Variants in ABCA8 observed in about 807,000 individuals in gnomAD.
ABCA8 encodes the protein ATP binding cassette subfamily A member 8, also known as ABC-type organic anion transporter ABCA8.
In ABCA8, 177 loss-of-function variants were observed where a neutral mutation model predicts 192.3. The observed-to-expected ratio is 0.92, with a 90% CI of 0.81 to 1.04. ABCA8 has a LOEUF of 1.04. Ranked by LOEUF, ABCA8 falls within the 50% of genes least tolerant of loss-of-function variation. The pLI is 0.00. For synonymous variants in ABCA8, 642 were observed against 690.2 expected, an observed-to-expected ratio of 0.93 and a Z score of 1.09; for missense variants, 1,915 against 1,904.8, an observed-to-expected ratio of 1.01 and a Z score of -0.10.
At chr17:68,913,379 A>G (rs1194802335) in intron 17 of ABCA8, among the ~76,000 whole-genome samples, 2 of 152,072 alleles carry the variant, frequency 1.3e-5, no homozygotes. Flanking sequence ...GTCGTAGAAT[A>G]AAAGAAATAA....
chr17:68,887,915 T>TCC (rs1255145883), intron 24 of ABCA8, among the ~76,000 whole-genome samples: 3 of 45,076 alleles, frequency 6.7e-5, no homozygotes, highest in East Asian at 1.7e-3. Flanking sequence ...TATCCATATA[T>TCC]ATATATATAT....
intron 17 of ABCA8, 21 bp downstream of exon 17, chr17:68,917,340 A>G (rs749146949): frequency 3.9e-6 from 6 of 1,519,306 alleles, no homozygotes; most frequent in Non-Finnish European, 5.4e-6. Context: ...ATCTACTCCC[A>G]GCCTTCTTAA....
chr17:68,890,741 A>C (rs1248377596), intron 24 of ABCA8, among the ~76,000 whole-genome samples: 1 of 152,010 alleles, frequency 6.6e-6, no homozygotes, highest in Non-Finnish European at 1.5e-5. Context: ...CTGGTGTCAA[A>C]CTCCTGATCT....
Position 68,881,067 on chromosome 17 carries a change from C to T in ABCA8, c.4038+53G>A, listed in dbSNP as rs995444015. 3 of 1,277,368 alleles carry T rather than the reference C, an allele frequency of 2.3e-6. No homozygotes were observed. The Admixed American group carries it at 5.1e-5, about 22-fold the overall frequency. The allele number at this position is 1,277,368 out of a possible 1,614,324, so 79.1% of individuals were successfully genotyped here. A position where few individuals can be genotyped will look rare whatever the true frequency, so the allele number is the denominator to read the frequency against. ...TCTGTTGTTTTTAAGGTCATCAAAT[C>T]TTATCAATCTATTTCACCATTAGAT... On this transcript the variant is annotated intron_variant, in intron 32 of 39. Transcript: ENST00000586539.
intron 37 of ABCA8, among the ~76,000 whole-genome samples, chr17:68,871,504 CA>C (rs1197811543): frequency 2.0e-5 from 3 of 152,270 alleles, no homozygotes; most frequent in Middle Eastern, 3.4e-3. Flanking sequence ...TGACTAATGA[CA>C]TTTAACAGTT....
At chr17:68,923,090 G>A (rs1443622284) in intron 11 of ABCA8, among the ~76,000 whole-genome samples, 2 of 152,048 alleles carry the variant, frequency 1.3e-5, no homozygotes, top group African/African-American at 4.8e-5. Context: ...TACCAGGTAA[G>A]TATATAATCC....
At chr17:68,868,621 T>C (rs896343892) in intron 38 of ABCA8, among the ~76,000 whole-genome samples, 1 of 152,174 alleles carries the variant, frequency 6.6e-6, no homozygotes, top group African/African-American at 2.4e-5. Flanking sequence ...TAAGCTTTCT[T>C]TCTTGCCTGT....
chr17:68,920,846 C>G (rs1303203611), intron 13 of ABCA8, among the ~76,000 whole-genome samples: 24 of 152,176 alleles, frequency 1.6e-4, no homozygotes, highest in Admixed American at 1.2e-3. Context: ...CATCCCATTA[C>G]TGGGTATATA....
chr17:68,914,746 G>A (rs945851632), intron 17 of ABCA8, among the ~76,000 whole-genome samples: 4 of 151,968 alleles, frequency 2.6e-5, no homozygotes, highest in East Asian at 1.9e-4. Context: ...CAACACAATC[G>A]CTATCAAAAT....
intron 2 of ABCA8, among the ~76,000 whole-genome samples, chr17:68,943,142 ATCTT>A (rs1398456432): frequency 6.6e-6 from 1 of 152,132 alleles, no homozygotes; most frequent in Non-Finnish European, 1.5e-5. Context: ...ACTTTTTACT[ATCTT>A]TCTTTGAAGA....
intron 21 of ABCA8, among the ~76,000 whole-genome samples, chr17:68,896,667 C>T (rs1443235646): frequency 6.6e-6 from 1 of 152,042 alleles, no homozygotes; most frequent in Non-Finnish European, 1.5e-5. Flanking sequence ...GTTCAGTTAA[C>T]CCTGATTTTA....
chr17:68,900,631 A>G (rs1198512478), intron 21 of ABCA8, among the ~76,000 whole-genome samples: 1 of 152,070 alleles, frequency 6.6e-6, no homozygotes, highest in African/African-American at 2.4e-5. Flanking sequence ...ACATTAGCAT[A>G]AAATAAAACT....
At chr17:68,920,227 A>C (rs2067496874) in intron 13 of ABCA8, among the ~76,000 whole-genome samples, 1 of 152,110 alleles carries the variant, frequency 6.6e-6, no homozygotes, top group African/African-American at 2.4e-5. Context: ...AAAAAGGCAA[A>C]TCACAGACAC....
intron 15 of ABCA8, 72 bp from the exon 16 acceptor site, chr17:68,918,257 C>A (rs1485597207): frequency 3.2e-6 from 5 of 1,579,538 alleles, no homozygotes; most frequent in Non-Finnish European, 4.3e-6. Flanking sequence ...ACGCAAAAAC[C>A]ATATTGATTA....
At chr17:68,953,640 C>A (rs1335194131) in intron 1 of ABCA8, among the ~76,000 whole-genome samples, 1 of 152,008 alleles carries the variant, frequency 6.6e-6, no homozygotes, top group South Asian at 2.1e-4. Context: ...AAAGACAGTT[C>A]CAAGAGTAAA....
intron 23 of ABCA8, among the ~76,000 whole-genome samples, chr17:68,893,875 A>C (rs2066679487): frequency 7.8e-6 from 1 of 128,570 alleles, no homozygotes; most frequent in African/African-American, 2.8e-5. Flanking sequence ...TCCCAATGCT[A>C]TCCCTCCCCC....
intron 17 of ABCA8, among the ~76,000 whole-genome samples, chr17:68,915,273 A>G (rs2067326258): frequency 6.6e-6 from 1 of 152,158 alleles, no homozygotes; most frequent in African/African-American, 2.4e-5. Context: ...GCTAAAATGG[A>G]CAAATGAAAT....
At chr17:68,936,835 T>C in intron 5 of ABCA8, 116 bp downstream of exon 5, 2 of 883,858 alleles carry the variant, frequency 2.3e-6, no homozygotes, top group South Asian at 2.6e-5. Context: ...GGGACATGCA[T>C]ACATCATTAT....
Position 68,902,838 on chromosome 17 carries a change from T to A in ABCA8, c.2639A>T (p.Glu880Val). The change falls in exon 21 of 40, where the codon GAG becomes GTG. Residue 880 changes from glutamate (E) to valine (V), a missense_variant. By Grantham distance (121) the Glu-to-Val change is moderately radical. Transcript: ENST00000586539. The stretch of plus-strand genomic sequence containing the variant: ...TTGATATATTTTCACCATGGTATAC[T>A]CCACAAGAAGAGGGCAAAATCCAGC... ...LMAGFCPLLV[E>V]YTMVKIYQNS... The A allele has an allele frequency of 6.2e-7, 1 of 1,613,620 alleles. No homozygotes were observed. The highest frequency in any genetic ancestry group is 8.5e-7 in the Non-Finnish European group (1 of 1,179,812).
Sources: gnomAD v4.1 joint callset for allele counts (sites outside exome capture counted in the v4.1 genomes callset) on GRCh38, gnomAD v4.1.1 for gene constraint, MANE v1.5 for transcripts, NCBI Gene and HGNC (gene_info 2026-07-23, HGNC 2026-07-21) for gene names.